Variants in WASF3 observed in about 807,000 individuals in gnomAD.
WASF3 encodes actin-binding protein WASF3.
A neutral mutation model predicts 46.6 loss-of-function variants in WASF3; 11 were observed. The observed-to-expected ratio is 0.24, with a 90% confidence interval of 0.15 to 0.39. The LOEUF (loss-of-function observed/expected upper bound fraction) is 0.39, where lower values mean the gene tolerates loss of function less well. WASF3 is among the 10% of genes least tolerant of loss of function. WASF3 has a pLI of 1.00. For synonymous variants in WASF3, 242 were observed against 259.7 expected (o/e 0.93, Z 0.65); for missense variants, 576 against 669.8 (o/e 0.86, Z 1.55).
At chr13:26,571,301 G>T (rs1879625452) in intron 1 of WASF3, among the ~76,000 whole-genome samples, 1 of 151,932 alleles carries the variant, frequency 6.6e-6, no homozygotes, top group African/African-American at 2.4e-5. Context: ...ATTGGGCATG[G>T]GTTTTGAGTC....
At chr13:26,550,133 G>A in the WASF3 span, among the ~76,000 whole-genome samples, 1 of 152,204 alleles carries the variant, frequency 6.6e-6, no homozygotes, top group Admixed American at 6.5e-5. Context: ...AGGTACACAT[G>A]GATCTGAAAG....
At position 26,688,770 on chromosome 13, in the gene WASF3, A is replaced by T. The variant is rs1883486967; in HGVS notation, c.*2925A>T. The T allele has an allele frequency of 6.6e-6, 1 of 152,212 alleles. No individual in the cohort carries two copies. The highest frequency in any genetic ancestry group is 2.1e-4 in the South Asian group (1 of 4,826). 9.4% of individuals were successfully genotyped at this position (152,212 alleles called of 1,614,324 possible). A position where few individuals can be genotyped will look rare whatever the true frequency, so the allele number is the denominator to read the frequency against. On this transcript the variant is annotated 3_prime_UTR_variant, in exon 10 of 10. Coordinates refer to ENST00000335327, the MANE Select transcript of WASF3 (RefSeq NM_006646.6). The stretch of plus-strand genomic sequence containing the variant: ...AGTAGCAAGTAATTTTTGTTTTATA[A>T]ATCATAGTATCTGTCATCTTGCAGT...
chr13:26,558,581 A>G (rs558872639), intron 1 of WASF3, among the ~76,000 whole-genome samples: 5 of 152,286 alleles, frequency 3.3e-5, no homozygotes, highest in South Asian at 4.1e-4. Flanking sequence ...CTGACGTGCA[A>G]TGGCGATTGC....
At chr13:26,561,199 G>T (rs1214546612) in intron 1 of WASF3, among the ~76,000 whole-genome samples, 1 of 152,176 alleles carries the variant, frequency 6.6e-6, no homozygotes, top group African/African-American at 2.4e-5. Context: ...AACAGGAAAT[G>T]GTTGAAGAAT....
chr13:26,571,432 G>A (rs1291992392), intron 1 of WASF3, among the ~76,000 whole-genome samples: 2 of 152,140 alleles, frequency 1.3e-5, no homozygotes, highest in Admixed American at 1.3e-4. Context: ...ATGGTGTGAG[G>A]AATAGATCTG....
At chr13:26,655,523 C>T (rs1882440801) in intron 3 of WASF3, among the ~76,000 whole-genome samples, 1 of 152,086 alleles carries the variant, frequency 6.6e-6, no homozygotes, top group African/African-American at 2.4e-5. Flanking sequence ...TGGGGAGACA[C>T]TTTGAGACTA....
chr13:26,669,514 ATT>A (rs35329241), intron 5 of WASF3, among the ~76,000 whole-genome samples: 2 of 150,052 alleles, frequency 1.3e-5, no homozygotes, highest in African/African-American at 2.4e-5. Context: ...TGAAAAAAAA[ATT>A]TTTTTTTTTG....
intron 1 of WASF3, among the ~76,000 whole-genome samples, chr13:26,582,127 A>T (rs1879996220): frequency 6.6e-6 from 1 of 152,206 alleles, no homozygotes; most frequent in South Asian, 2.1e-4. Flanking sequence ...AATAAATGTT[A>T]TCTTGCTTTC....
At position 26,671,977 on chromosome 13, in the gene WASF3, A is replaced by G. The variant is rs147402692; in HGVS notation, c.528A>G (p.Lys176=). Reference sequence around the variant, plus strand: ...ACACAGAAGACAAAAGGAAAGAGAAAAGGCGTCAAAAGGTAAATAATTTCA... The same window carrying G: ...ACACAGAAGACAAAAGGAAAGAGAAGAGGCGTCAAAAGGTAAATAATTTCA... The part of the protein sequence containing the change: ...LQDTEDKRKE[K]RRQKEQKRID... The change falls in exon 6 of 10, where the codon AAA becomes AAG. Residue 176 remains lysine (K), a synonymous_variant. Transcript: ENST00000335327. 6.2e-7 allele frequency: 1 copy of G among 1,602,176 alleles called. No homozygotes were observed. The highest frequency in any genetic ancestry group is 8.5e-7 in the Non-Finnish European group (1 of 1,173,666).
At position 26,669,149 on chromosome 13, in the gene WASF3, C is replaced by CAT. The variant is rs1020403286; in HGVS notation, c.422+1486_422+1487dup. On this transcript the variant is annotated intron_variant, in intron 5 of 9. Coordinates refer to ENST00000335327, the MANE Select transcript of WASF3 (RefSeq NM_006646.6). ...AGTATGAAAACTGATTTGACTTTCACATATATATGTGTGTGTGTGTGTATT... is the reference window on the plus strand; with the variant it reads ...AGTATGAAAACTGATTTGACTTTCACATATATATATGTGTGTGTGTGTGTATT... Among the ~76,000 whole-genome samples the CAT allele has an allele frequency of 6.1e-5, 9 of 148,658 alleles. No individual in the cohort carries two copies. The South Asian group carries it at 6.4e-4, about 11-fold the overall frequency.
intron 6 of WASF3, among the ~76,000 whole-genome samples, 200 bp downstream of exon 6, chr13:26,672,189 C>T (rs142302329): frequency 1.2e-3 from 187 of 152,326 alleles, no homozygotes; most frequent in African/African-American, 4.3e-3. Flanking sequence ...TGTTCTCCAG[C>T]ACTTGCTTTG....
intron 5 of WASF3, among the ~76,000 whole-genome samples, chr13:26,667,920 A>T (rs903642532): frequency 1.3e-5 from 2 of 152,214 alleles, no homozygotes; most frequent in African/African-American, 4.8e-5. Context: ...TTCTGATTTT[A>T]ACTTTTAGAT....
In WASF3 at chr13:26,682,437, A is replaced by G. The variant is rs1883258678; in HGVS notation, c.984-170A>G. On this transcript the variant is annotated intron_variant, in intron 8 of 9. Transcript: ENST00000335327. The surrounding 1 kb of genome is among the most constrained non-coding windows in gnomAD (Gnocchi z 4.4). ...ACTTCTGTCATAATGAATAATGTCA[A>G]ACTGTGAAAATAACTGACCCAAGGT... Among the ~76,000 whole-genome samples, 1 of 152,158 alleles carries G rather than the reference A, an allele frequency of 6.6e-6. No individual in the cohort carries two copies. The highest frequency in any genetic ancestry group is 1.5e-5 in the Non-Finnish European group (1 of 68,036).
chr13:26,557,678 C>G (rs1879135339), upstream of WASF3: 2 of 162,230 alleles, frequency 1.2e-5, no homozygotes, highest in Admixed American at 1.3e-4. Flanking sequence ...GGCGTGGCCG[C>G]GGCCGTGGAC....
chr13:26,552,258 A>G, the WASF3 span, among the ~76,000 whole-genome samples: 3 of 152,220 alleles, frequency 2.0e-5, no homozygotes, highest in African/African-American at 7.2e-5. Context: ...AGATGTTATG[A>G]AGGTTAAATA....
At chr13:26,680,980 A>G in intron 7 of WASF3, 74 bp from the exon 8 acceptor site, 1 of 1,521,564 alleles carries the variant, frequency 6.6e-7, no homozygotes. Flanking sequence ...TTATTCAAAT[A>G]CATCCATGTG....
chr13:26,630,635 T>C (rs7991410), intron 2 of WASF3, among the ~76,000 whole-genome samples: 67,586 of 152,122 alleles, frequency 0.44, 16,346 homozygotes, highest in Non-Finnish European at 0.55. Context: ...TACATGTGTC[T>C]TTATAGTAGC....
intron 7 of WASF3, among the ~76,000 whole-genome samples, chr13:26,677,342 A>C (rs1327148691): frequency 6.6e-6 from 1 of 152,264 alleles, no homozygotes; most frequent in Non-Finnish European, 1.5e-5. Flanking sequence ...AAAGGCATTC[A>C]TTGAACAACA....
upstream of WASF3, among the ~76,000 whole-genome samples, chr13:26,554,082 TC>T (rs1432933522): frequency 8.5e-4 from 99 of 116,418 alleles, 1 homozygote; most frequent in Non-Finnish European, 8.2e-4. Flanking sequence ...CTTCCTTCCT[TC>T]CTTCCTTCCT....
Sources: gnomAD v4.1 joint callset for allele counts (sites outside exome capture counted in the v4.1 genomes callset) on GRCh38, gnomAD v4.1.1 for gene constraint, Gnocchi (gnomAD v3.1) non-coding constraint, MANE v1.5 for transcripts, NCBI Gene and HGNC (gene_info 2026-07-23, HGNC 2026-07-21) for gene names.